RSRC1: variants seen among roughly 807,000 people sequenced by gnomAD.
RSRC1 encodes serine/Arginine-related protein 53.
Under a neutral mutation model 49.1 loss-of-function variants are expected in RSRC1, and 39 were observed. That is an observed-to-expected ratio of 0.79 (90% confidence interval 0.61 to 1.04). The LOEUF is 1.04. Ranked by LOEUF, RSRC1 falls within the 50% of genes least tolerant of loss-of-function variation. The pLI, the probability that RSRC1 is intolerant of heterozygous loss-of-function variation, is 0.00. For missense variants in RSRC1, 388 were observed against 402.4 expected (o/e 0.96, Z 0.31); for synonymous variants, 143 against 130.8 (o/e 1.09, Z -0.63).
At chr3:158,335,910 G>T (rs1729855599) in intron 5 of RSRC1, among the ~76,000 whole-genome samples, 1 of 152,130 alleles carries the variant, frequency 6.6e-6, no homozygotes, top group Admixed American at 6.5e-5. Context: ...GGGAGTTATT[G>T]GGCAATGATA....
At chr3:158,517,956 TATATTA>T (rs1455672578) in intron 7 of RSRC1, among the ~76,000 whole-genome samples, 1 of 149,398 alleles carries the variant, frequency 6.7e-6, no homozygotes, top group East Asian at 1.9e-4. Context: ...TGTTATTAAT[TATATTA>T]ATATATCTTC....
rs75450882 is a variant in RSRC1 at position 158,431,232 on chromosome 3, T to G, written c.584-29703T>G. Among the ~76,000 whole-genome samples the G allele has an allele frequency of 1.7e-3, 254 of 149,870 alleles. 5 individuals are homozygous for G. In the East Asian group the frequency reaches 0.045, roughly 27 times the overall value. On this transcript the variant is annotated intron_variant, in intron 6 of 9. Coordinates refer to ENST00000611884, the MANE Select transcript of RSRC1 (RefSeq NM_001271838.2). The stretch of plus-strand genomic sequence containing the variant: ...AATCTTGATGTCATCAGCTTGGTAT[T>G]CTGAGTAAATGTTTAAATAACTTAA...
intron 6 of RSRC1, among the ~76,000 whole-genome samples, chr3:158,450,698 T>C (rs984713871): frequency 3.3e-5 from 5 of 152,102 alleles, no homozygotes; most frequent in African/African-American, 9.6e-5. Context: ...TTAATGAATT[T>C]GATAATTATT....
At chr3:158,328,288 C>G (rs568922595) in intron 5 of RSRC1, among the ~76,000 whole-genome samples, 47 of 151,956 alleles carry the variant, frequency 3.1e-4, no homozygotes, top group Non-Finnish European at 5.3e-4. Flanking sequence ...ATGTTAGCTG[C>G]TTATTTTGCT....
chr3:158,215,040 CTT>C (rs35547463), intron 4 of RSRC1, among the ~76,000 whole-genome samples: 1 of 151,396 alleles, frequency 6.6e-6, no homozygotes. Flanking sequence ...TCAGATTTTG[CTT>C]TGTGTATTTT....
At chr3:158,501,958 T>C (rs900753035) in intron 7 of RSRC1, among the ~76,000 whole-genome samples, 4 of 152,202 alleles carry the variant, frequency 2.6e-5, no homozygotes, top group African/African-American at 7.2e-5. Context: ...TTTTGTGTTA[T>C]AGATCCTGTG....
chr3:158,302,096 G>T, intron 5 of RSRC1, among the ~76,000 whole-genome samples: 1 of 147,948 alleles, frequency 6.8e-6, no homozygotes. Context: ...AAAAATTACT[G>T]TGTGTATCAT....
intron 3 of RSRC1, among the ~76,000 whole-genome samples, chr3:158,180,697 G>T (rs1297716143): frequency 6.6e-6 from 1 of 151,336 alleles, no homozygotes; most frequent in Admixed American, 6.6e-5. Flanking sequence ...TCAACTCCTG[G>T]ACTCAAGTGA....
intron 7 of RSRC1, among the ~76,000 whole-genome samples, chr3:158,467,725 CAG>C (rs1737952145): frequency 1.3e-5 from 2 of 152,084 alleles, no homozygotes; most frequent in East Asian, 1.9e-4. Flanking sequence ...CTAAATGAGA[CAG>C]AGATTTACAT....
intron 5 of RSRC1, among the ~76,000 whole-genome samples, chr3:158,334,590 C>T (rs1729762530): frequency 6.6e-6 from 1 of 151,246 alleles, no homozygotes; most frequent in East Asian, 1.9e-4. Flanking sequence ...AAGGGATTCT[C>T]CTGCCTCAGC....
At chr3:158,467,558 G>A (rs974445395) in intron 7 of RSRC1, among the ~76,000 whole-genome samples, 1 of 152,132 alleles carries the variant, frequency 6.6e-6, no homozygotes, top group African/African-American at 2.4e-5. Flanking sequence ...ACTCACCATA[G>A]TATGCACCTT....
chr3:158,509,991 C>T (rs969504287), intron 7 of RSRC1, among the ~76,000 whole-genome samples: 1 of 152,154 alleles, frequency 6.6e-6, no homozygotes, highest in Admixed American at 6.5e-5. Flanking sequence ...ATCTTCAGTT[C>T]AACCACATAG....
intron 6 of RSRC1, among the ~76,000 whole-genome samples, chr3:158,391,590 T>C (rs2362965): frequency 6.6e-6 from 1 of 151,942 alleles, no homozygotes; most frequent in African/African-American, 2.4e-5. Flanking sequence ...GAAATAAGCA[T>C]TCATTTGCCA....
intron 7 of RSRC1, among the ~76,000 whole-genome samples, chr3:158,515,425 C>A (rs186009043): frequency 0.023 from 2,982 of 128,700 alleles, 247 homozygotes; most frequent in African/African-American, 0.089. Flanking sequence ...TGAATATTGG[C>A]CCCGACTCTC....
At chr3:158,401,308 C>G (rs1320084098) in intron 6 of RSRC1, among the ~76,000 whole-genome samples, 2 of 151,930 alleles carry the variant, frequency 1.3e-5, no homozygotes, top group African/African-American at 4.8e-5. Flanking sequence ...AGAAGAGAAC[C>G]CTTTGCTTAT....
chr3:158,490,808 A>T (rs1267010285), intron 7 of RSRC1, among the ~76,000 whole-genome samples: 1 of 152,198 alleles, frequency 6.6e-6, no homozygotes, highest in Admixed American at 6.5e-5. Flanking sequence ...AATGATCTTG[A>T]TTAGTGTTCA....
At chr3:158,418,423 AG>A (rs1157628796) in intron 6 of RSRC1, among the ~76,000 whole-genome samples, 1 of 151,988 alleles carries the variant, frequency 6.6e-6, no homozygotes, top group African/African-American at 2.4e-5. Context: ...TCTCCCAGCC[AG>A]GCTGTTTTAG....
Position 158,136,291 on chromosome 3 carries a change from T to A in RSRC1, c.320+12300T>A, listed in dbSNP as rs182029434. ...TTAAATTATTTTAAAATATCATTTT[T>A]AAGTTTTTTAAAAAACTAATTAGAT... On this transcript the variant is annotated intron_variant, in intron 3 of 9. Transcript: ENST00000611884. 7.2e-5 allele frequency among the ~76,000 whole-genome samples: 11 copies of A among 152,330 alleles called. No homozygotes were observed. In the East Asian group the frequency reaches 2.1e-3, roughly 29 times the overall value.
chr3:158,466,471 C>T (rs1295650481), intron 7 of RSRC1, among the ~76,000 whole-genome samples: 1 of 152,154 alleles, frequency 6.6e-6, no homozygotes, highest in East Asian at 1.9e-4. Flanking sequence ...CAGTCAGATA[C>T]TTGCAATATA....
Sources: allele counts gnomAD v4.1 joint callset (sites outside exome capture counted in the v4.1 genomes callset), GRCh38; gene constraint gnomAD v4.1.1; transcripts MANE v1.5; gene names NCBI Gene and HGNC (gene_info 2026-07-23, HGNC 2026-07-21).